DCDC1: variants seen among roughly 807,000 people sequenced by gnomAD.
DCDC1 encodes doublecortin domain-containing protein 1.
DCDC1 carries 200 observed loss-of-function variants against 178.3 expected under a neutral mutation model. The observed-to-expected ratio is 1.12, with a 90% CI of 1.00 to 1.26. DCDC1 has a LOEUF of 1.26. Among genes scored for constraint, DCDC1 ranks in the 50% most tolerant of loss-of-function variants. DCDC1 has a pLI of 0.00. For missense variants in DCDC1, 1,983 were observed against 1,749.2 expected (o/e 1.13, Z -2.38); for synonymous variants, 690 against 604.8 (o/e 1.14, Z -2.07).
At chr11:31,238,848 C>T (rs1225460153) in intron 9 of DCDC1, among the ~76,000 whole-genome samples, 3 of 151,976 alleles carry the variant, frequency 2.0e-5, no homozygotes, top group Admixed American at 6.6e-5. Flanking sequence ...TTAATACACA[C>T]GAATCAGTAT....
intron 9 of DCDC1, among the ~76,000 whole-genome samples, chr11:31,211,319 T>G (rs542310171): frequency 1.3e-5 from 2 of 152,334 alleles, no homozygotes; most frequent in Non-Finnish European, 2.9e-5. Context: ...AATTTTCTAT[T>G]TATTTAAGAC....
At chr11:31,050,943 C>A (rs746524509) in intron 20 of DCDC1, among the ~76,000 whole-genome samples, 19 of 152,180 alleles carry the variant, frequency 1.2e-4, no homozygotes, top group Non-Finnish European at 2.5e-4. Context: ...CCCCAAAAAA[C>A]CACACTAGTT....
intron 1 of DCDC1, among the ~76,000 whole-genome samples, chr11:31,367,630 T>G (rs1398502877): frequency 6.6e-6 from 1 of 152,226 alleles, no homozygotes; most frequent in East Asian, 1.9e-4. Flanking sequence ...TACTGAGCAT[T>G]TGAAATGTGC....
At chr11:31,249,618 T>C (rs1356131144) in intron 8 of DCDC1, among the ~76,000 whole-genome samples, 2 of 152,140 alleles carry the variant, frequency 1.3e-5, no homozygotes, top group Non-Finnish European at 2.9e-5. Flanking sequence ...GCAGCATCTT[T>C]CCGACACAAC....
intron 38 of DCDC1, among the ~76,000 whole-genome samples, chr11:30,876,460 C>T (rs1030517095): frequency 6.6e-6 from 1 of 152,156 alleles, no homozygotes; most frequent in African/African-American, 2.4e-5. Context: ...CCAAGATACC[C>T]AGGGCTAGCT....
rs549445066 is a variant in DCDC1, at chr11:31,038,186, T to A, written c.2591+26283A>T. Among the ~76,000 whole-genome samples, 3 of 151,238 alleles carry A rather than the reference T, an allele frequency of 2.0e-5. No homozygotes were observed. In the East Asian group the frequency reaches 5.8e-4, roughly 29 times the overall value. ...ACATATGTAACAAACCTGCACGTTGTACACATGTACCCTAGAACTTAAAGT... is the reference window on the plus strand; with the variant it reads ...ACATATGTAACAAACCTGCACGTTGAACACATGTACCCTAGAACTTAAAGT... On this transcript the variant is annotated intron_variant, in intron 20 of 38. Transcript: ENST00000684477.
intron 10 of DCDC1, among the ~76,000 whole-genome samples, chr11:31,135,331 T>G (rs992987695): frequency 1.3e-5 from 2 of 152,222 alleles, no homozygotes; most frequent in African/African-American, 4.8e-5. Flanking sequence ...GCTTTAGCCC[T>G]AAAAGTTTTA....
In DCDC1 at chr11:31,094,181, C is replaced by T. The variant is rs1351337944; in HGVS notation, c.1987G>A (p.Asp663Asn). ...GAGGCATGAAGGACAATATTGGGAT[C>T]TACCTGTATCATAAGAAGAAGTATG... Reference protein sequence around the residue: ...LENHFLQNKVDPNIVLHASVS... With the variant: ...LENHFLQNKVNPNIVLHASVS... The change falls in exon 16 of 39, where the codon GAT becomes AAT. Residue 663 changes from aspartate to asparagine, a missense_variant. Physicochemically the swap from Asp to Asn is conservative, Grantham distance 23. Transcript: ENST00000684477. 5.2e-6 allele frequency: 4 copies of T among 765,986 alleles called. No individual in the cohort carries two copies. In the African/African-American group the frequency reaches 6.8e-5, roughly 13 times the overall value. The allele number at this position is 765,986 out of a possible 1,614,324, so 47.4% of individuals were successfully genotyped here.
chr11:31,186,055 G>C (rs568928341), intron 9 of DCDC1, among the ~76,000 whole-genome samples: 10 of 152,170 alleles, frequency 6.6e-5, no homozygotes, highest in African/African-American at 2.4e-4. Context: ...CTCCCCAGAA[G>C]AGCCAGGGAG....
intron 20 of DCDC1, among the ~76,000 whole-genome samples, chr11:31,001,906 G>A (rs986369302): frequency 1.3e-5 from 2 of 152,208 alleles, no homozygotes; most frequent in African/African-American, 2.4e-5. Flanking sequence ...CCATTTGGAT[G>A]CTGCAACTAC....
intron 1 of DCDC1, among the ~76,000 whole-genome samples, chr11:31,356,302 A>G (rs1211754162): frequency 6.6e-6 from 1 of 152,174 alleles, no homozygotes; most frequent in African/African-American, 2.4e-5. Flanking sequence ...CCGCTCAACT[A>G]CATGGAAACT....
chr11:30,964,067 C>T (rs535909576), intron 20 of DCDC1, among the ~76,000 whole-genome samples: 83 of 152,222 alleles, frequency 5.5e-4, no homozygotes, highest in African/African-American at 1.6e-3. Context: ...GAAATATTGG[C>T]ACTAAAAATA....
At chr11:31,063,378 G>A (rs1419362717) in intron 20 of DCDC1, among the ~76,000 whole-genome samples, 2 of 152,134 alleles carry the variant, frequency 1.3e-5, no homozygotes, top group East Asian at 1.9e-4. Flanking sequence ...TATAAATCAC[G>A]CTGCTATAAA....
At chr11:31,034,819 C>T (rs1953918889) in intron 20 of DCDC1, among the ~76,000 whole-genome samples, 2 of 152,298 alleles carry the variant, frequency 1.3e-5, no homozygotes, top group South Asian at 2.1e-4. Flanking sequence ...TTCTGATTGG[C>T]ATTTTTGTTA....
At chr11:31,350,472 C>T (rs11031363) in intron 1 of DCDC1, among the ~76,000 whole-genome samples, 22,748 of 151,818 alleles carry the variant, frequency 0.15, 2,180 homozygotes, top group Non-Finnish European at 0.21. Flanking sequence ...TCTAATTAGC[C>T]CAGTGTCCCC....
At chr11:31,245,874 T>A (rs1194110254) in intron 8 of DCDC1, among the ~76,000 whole-genome samples, 8 of 151,956 alleles carry the variant, frequency 5.3e-5, no homozygotes, top group African/African-American at 1.9e-4. Context: ...CAAGAGGATC[T>A]TCTATTAAAA....
intron 9 of DCDC1, among the ~76,000 whole-genome samples, chr11:31,145,831 T>G (rs1964382667): frequency 6.6e-6 from 1 of 152,220 alleles, no homozygotes; most frequent in Non-Finnish European, 1.5e-5. Context: ...CTTATTACCC[T>G]AAATATGTGC....
At chr11:30,971,884 C>G (rs1170297188) in intron 20 of DCDC1, among the ~76,000 whole-genome samples, 2 of 152,122 alleles carry the variant, frequency 1.3e-5, no homozygotes, top group Non-Finnish European at 2.9e-5. Context: ...GCTGGGATTA[C>G]AGGCATGAGC....
At chr11:31,293,272 A>G (rs1315054285) in intron 6 of DCDC1, among the ~76,000 whole-genome samples, 4 of 152,194 alleles carry the variant, frequency 2.6e-5, no homozygotes, top group Non-Finnish European at 5.9e-5. Context: ...GAGCAGAGGA[A>G]ACTGACTGCA....
Sources: allele counts gnomAD v4.1 joint callset (sites outside exome capture counted in the v4.1 genomes callset), GRCh38; gene constraint gnomAD v4.1.1; transcripts MANE v1.5; gene names NCBI Gene and HGNC (gene_info 2026-07-23, HGNC 2026-07-21).